ANGPT1: variants seen among roughly 807,000 people sequenced by gnomAD.
ANGPT1 encodes the protein angiopoietin 1, also known as angiopoietin-1.
In ANGPT1, 17 loss-of-function variants were observed where a neutral mutation model predicts 62.2. The ratio of observed to expected loss-of-function variants is 0.27; its 90% CI spans 0.19 to 0.41. The LOEUF (loss-of-function observed/expected upper bound fraction) is 0.41. ANGPT1 is among the 10% of genes least tolerant of loss of function. The pLI is 1.00. For missense variants in ANGPT1, 478 were observed against 594.9 expected, an observed-to-expected ratio of 0.80 and a Z score of 2.04; for synonymous variants, 199 against 198.9, an observed-to-expected ratio of 1.00 and a Z score of 0.00.
intron 7 of ANGPT1, chr8:107,283,973 G>C (rs1226782642): frequency 3.9e-5 from 6 of 152,106 alleles, no homozygotes; most frequent in Non-Finnish European, 4.4e-5. Context: ...ATAAGTGTTC[G>C]TGCAATGAAT....
At chr8:107,425,152 C>G (rs147187831) in intron 1 of ANGPT1, among the ~76,000 whole-genome samples, 4,403 of 152,318 alleles carry the variant, frequency 0.029, 88 homozygotes, top group Middle Eastern at 0.051. Flanking sequence ...GGATTACAGG[C>G]ATGAGCCGCT....
chr8:107,269,174 C>T (rs552657527), intron 7 of ANGPT1, among the ~76,000 whole-genome samples: 7 of 152,054 alleles, frequency 4.6e-5, no homozygotes, highest in African/African-American at 1.4e-4. Flanking sequence ...AGTTCAGGGG[C>T]TCATTCTTTC....
At chr8:107,261,737 T>C (rs1008508036) in intron 8 of ANGPT1, among the ~76,000 whole-genome samples, 1 of 150,870 alleles carries the variant, frequency 6.6e-6, no homozygotes, top group Admixed American at 6.6e-5. Context: ...AAGAATATGA[T>C]AGAATATGAT....
At chr8:107,266,460 A>C (rs529009049) in intron 7 of ANGPT1, among the ~76,000 whole-genome samples, 4 of 152,314 alleles carry the variant, frequency 2.6e-5, no homozygotes, top group African/African-American at 7.2e-5. Context: ...GCCAAATTAT[A>C]ATCAGAAAGT....
intron 1 of ANGPT1, among the ~76,000 whole-genome samples, chr8:107,491,806 G>A (rs190617272): frequency 1.3e-5 from 2 of 152,134 alleles, no homozygotes; most frequent in Admixed American, 1.3e-4. Flanking sequence ...TTTTAAGGGG[G>A]GAAATGACAT....
intron 1 of ANGPT1, among the ~76,000 whole-genome samples, chr8:107,493,094 A>G (rs1286699332): frequency 6.6e-6 from 1 of 150,642 alleles, no homozygotes; most frequent in Non-Finnish European, 1.5e-5. Flanking sequence ...AGTTACCACT[A>G]TACACTTGAG....
chr8:107,440,939 C>T (rs1006423851), intron 1 of ANGPT1, among the ~76,000 whole-genome samples: 3 of 152,162 alleles, frequency 2.0e-5, no homozygotes, highest in Admixed American at 6.5e-5. Context: ...TTCCAAATCA[C>T]CTTTTATGTA....
chr8:107,302,037 G>A (rs1259017702), intron 5 of ANGPT1, among the ~76,000 whole-genome samples: 1 of 151,904 alleles, frequency 6.6e-6, no homozygotes, highest in Non-Finnish European at 1.5e-5. Flanking sequence ...TGCACTGCAT[G>A]GAAGTGTTGA....
At chr8:107,391,115 C>T (rs191518085) in intron 1 of ANGPT1, among the ~76,000 whole-genome samples, 335 of 152,308 alleles carry the variant, frequency 2.2e-3, no homozygotes, top group African/African-American at 7.3e-3. Context: ...TTAATTACTA[C>T]TAAAGACTTA....
intron 4 of ANGPT1, among the ~76,000 whole-genome samples, chr8:107,308,015 C>G (rs1009937294): frequency 6.6e-6 from 1 of 152,106 alleles, no homozygotes; most frequent in Non-Finnish European, 1.5e-5. Context: ...TCTAATAAGA[C>G]AATTAGAGTA....
At chr8:107,416,045 T>A (rs2130366732) in intron 1 of ANGPT1, among the ~76,000 whole-genome samples, 1 of 152,208 alleles carries the variant, frequency 6.6e-6, no homozygotes, top group East Asian at 1.9e-4. Flanking sequence ...GCTGTCAAAC[T>A]ACAGCAATCA....
intron 1 of ANGPT1, among the ~76,000 whole-genome samples, chr8:107,492,666 G>A (rs780083684): frequency 7.1e-6 from 1 of 140,058 alleles, no homozygotes; most frequent in African/African-American, 2.7e-5. Flanking sequence ...CATTTAGGAA[G>A]TTCCCACAAA....
At chr8:107,454,230 T>A (rs969833697) in intron 1 of ANGPT1, among the ~76,000 whole-genome samples, 1 of 152,112 alleles carries the variant, frequency 6.6e-6, no homozygotes, top group African/African-American at 2.4e-5. Context: ...TTAATAGATG[T>A]ACTTGAGTGA....
At chr8:107,342,835 GTA>G (rs33926607) in intron 2 of ANGPT1, among the ~76,000 whole-genome samples, 30,489 of 141,838 alleles carry the variant, frequency 0.21, 3,918 homozygotes, top group African/African-American at 0.36. Flanking sequence ...ACACACAAGT[GTA>G]TATATATATA....
At chr8:107,392,167 A>G (rs189985350) in intron 1 of ANGPT1, among the ~76,000 whole-genome samples, 6 of 152,288 alleles carry the variant, frequency 3.9e-5, no homozygotes, top group Admixed American at 3.3e-4. Flanking sequence ...AATTTGTTTT[A>G]AAATATCCTT....
At chr8:107,470,349 T>C (rs1812319322) in intron 1 of ANGPT1, among the ~76,000 whole-genome samples, 1 of 152,124 alleles carries the variant, frequency 6.6e-6, no homozygotes, top group South Asian at 2.1e-4. Context: ...GTTGTAATTA[T>C]TATGTTAAGT....
intron 1 of ANGPT1, among the ~76,000 whole-genome samples, chr8:107,353,491 G>A (rs974843664): frequency 6.6e-6 from 1 of 151,938 alleles, no homozygotes; most frequent in African/African-American, 2.4e-5. Context: ...CTCCCCTTTC[G>A]CCAACTCATG....
intron 1 of ANGPT1, among the ~76,000 whole-genome samples, chr8:107,417,435 G>T (rs1187772830): frequency 6.6e-6 from 1 of 152,060 alleles, no homozygotes; most frequent in African/African-American, 2.4e-5. Context: ...GTGAGAAAAG[G>T]GCAACATTAG....
chr8:107,459,869 A>C (rs568811912), intron 1 of ANGPT1, among the ~76,000 whole-genome samples: 5 of 152,174 alleles, frequency 3.3e-5, no homozygotes, highest in South Asian at 2.1e-4. Context: ...TGACTCAAAA[A>C]CTCATTTTCA....
Sources: gnomAD v4.1 joint callset for allele counts (sites outside exome capture counted in the v4.1 genomes callset) on GRCh38, gnomAD v4.1.1 for gene constraint, MANE v1.5 for transcripts, NCBI Gene and HGNC (gene_info 2026-07-23, HGNC 2026-07-21) for gene names.